The following REEP3 variants were observed in gnomAD, a reference collection of about 807,000 sequenced individuals.
REEP3 encodes receptor expression-enhancing protein 3.
In REEP3, 20 loss-of-function variants were observed where a neutral mutation model predicts 41.3. The observed-to-expected ratio is 0.48, with a 90% CI of 0.34 to 0.70. The LOEUF is 0.70. REEP3 is among the 30% of genes least tolerant of loss of function. REEP3 has a pLI of 0.01. For synonymous variants in REEP3, 104 were observed against 101.8 expected, an observed-to-expected ratio of 1.02 and a Z score of -0.13; for missense variants, 271 against 308.8, an observed-to-expected ratio of 0.88 and a Z score of 0.92.
intron 2 of REEP3, among the ~76,000 whole-genome samples, chr10:63,567,227 A>G (rs1245626385): frequency 1.7e-5 from 2 of 117,844 alleles, no homozygotes; most frequent in African/African-American, 2.8e-5. Context: ...TTCACATAAC[A>G]TAAAATTATC....
chr10:63,606,388 C>G (rs1369802950), intron 5 of REEP3, among the ~76,000 whole-genome samples: 1 of 145,150 alleles, frequency 6.9e-6, no homozygotes, highest in African/African-American at 2.6e-5. Context: ...TTCTGTCTTT[C>G]TTCTTTCCTT....
At chr10:63,574,138 AT>A (rs1294419102) in intron 2 of REEP3, among the ~76,000 whole-genome samples, 1 of 152,222 alleles carries the variant, frequency 6.6e-6, no homozygotes, top group Non-Finnish European at 1.5e-5. Context: ...TTATTGCCAT[AT>A]TCCAAATAAC....
intron 1 of REEP3, among the ~76,000 whole-genome samples, chr10:63,527,322 A>G (rs1955374873): frequency 1.3e-5 from 2 of 151,980 alleles, no homozygotes; most frequent in South Asian, 2.1e-4. Context: ...AATCTACTAT[A>G]CTTTTCATCT....
At chr10:63,589,811 T>TTTTG (rs60023998) in intron 2 of REEP3, among the ~76,000 whole-genome samples, 1 of 131,046 alleles carries the variant, frequency 7.6e-6, no homozygotes, top group African/African-American at 3.0e-5. Flanking sequence ...TTTTTTTTTT[T>TTTTG]GGAAACGGAG....
In REEP3 at chr10:63,622,759, T is replaced by G. The variant is rs1956364271; in HGVS notation, c.*1890T>G. The G allele has an allele frequency of 6.9e-6, 1 of 145,086 alleles. No individual in the cohort carries two copies. Among genetic ancestry groups the G allele is most frequent in the Admixed American group, 7.2e-5 (1 of 13,828 alleles). The allele number at this position is 145,086 out of a possible 1,614,324, so 9.0% of individuals were successfully genotyped here. A position where few individuals can be genotyped will look rare whatever the true frequency, so the allele number is the denominator to read the frequency against. On this transcript the variant is annotated 3_prime_UTR_variant, in exon 8 of 8. Coordinates refer to ENST00000373758, the MANE Select transcript of REEP3 (RefSeq NM_001001330.3). ...GTCTTGCTCTGTCACCAGGCTGGAG[T>G]GCAGTGGCGCGATCTCGGCTCACTA...
At chr10:63,554,998 G>C (rs561453344) in intron 1 of REEP3, among the ~76,000 whole-genome samples, 1 of 152,218 alleles carries the variant, frequency 6.6e-6, no homozygotes, top group South Asian at 2.1e-4. Flanking sequence ...GCTGTAGCTT[G>C]ATTTTTTTTC....
At chr10:63,568,650 ATTT>A (rs10622553) in intron 2 of REEP3, among the ~76,000 whole-genome samples, 3 of 109,134 alleles carry the variant, frequency 2.7e-5, no homozygotes, top group Admixed American at 1.0e-4. Flanking sequence ...ACAACCCAGA[ATTT>A]TTTTTTTTTT....
intron 5 of REEP3, among the ~76,000 whole-genome samples, chr10:63,601,215 G>A (rs1401118118): frequency 6.6e-6 from 1 of 152,086 alleles, no homozygotes; most frequent in African/African-American, 2.4e-5. Context: ...TTTCTAAACA[G>A]TGACAGTGAA....
intron 1 of REEP3, among the ~76,000 whole-genome samples, chr10:63,537,927 CATAG>C (rs763531161): frequency 2.6e-5 from 4 of 152,080 alleles, no homozygotes; most frequent in Non-Finnish European, 4.4e-5. Context: ...GAGGTACATA[CATAG>C]ATAGCCACTT....
intron 2 of REEP3, among the ~76,000 whole-genome samples, chr10:63,592,336 T>C (rs972292654): frequency 5.9e-5 from 9 of 152,212 alleles, no homozygotes; most frequent in African/African-American, 1.9e-4. Flanking sequence ...ACCCTTCTCA[T>C]AGAACACAAG....
intron 6 of REEP3, among the ~76,000 whole-genome samples, chr10:63,617,380 G>A (rs1366524465): frequency 6.6e-6 from 1 of 152,106 alleles, no homozygotes; most frequent in African/African-American, 2.4e-5. Flanking sequence ...AATTATTCGT[G>A]TCTTAGAAGA....
At chr10:63,590,391 A>G (rs1564486510) in intron 2 of REEP3, among the ~76,000 whole-genome samples, 1 of 152,208 alleles carries the variant, frequency 6.6e-6, no homozygotes, top group Non-Finnish European at 1.5e-5. Flanking sequence ...GTCCTCAAGA[A>G]TTGACTAAAT....
At chr10:63,536,704 C>CTGG (rs1156692638) in intron 1 of REEP3, among the ~76,000 whole-genome samples, 1 of 152,030 alleles carries the variant, frequency 6.6e-6, no homozygotes, top group Non-Finnish European at 1.5e-5. Flanking sequence ...GACAAATGAA[C>CTGG]TGGTATCTCA....
In REEP3 at chr10:63,599,223, A is replaced by G. The variant is rs1347229781; in HGVS notation, c.357A>G (p.Val119=). The change falls in exon 5 of 8, where the codon GTA becomes GTG. Residue 119 remains valine, a synonymous_variant. Coordinates refer to ENST00000373758, the MANE Select transcript of REEP3 (RefSeq NM_001001330.3). ...AGGAACGAGGCTATGAAACCATGGT[A>G]AACTTTGGACGGCAAGGTTTAAACC... ...QAKERGYETM[V]NFGRQGLNLA... The G allele has an allele frequency of 2.5e-6, 4 of 1,594,088 alleles. No individual in the cohort carries two copies. Among genetic ancestry groups the G allele is most frequent in the Non-Finnish European group, 3.4e-6 (4 of 1,172,920 alleles).
chr10:63,554,719 G>A (rs1955661489), intron 1 of REEP3, among the ~76,000 whole-genome samples: 2 of 152,114 alleles, frequency 1.3e-5, no homozygotes, highest in South Asian at 4.2e-4. Context: ...AATTGCAGCT[G>A]GAAAACTGTG....
chr10:63,523,171 C>T (rs907526095), intron 1 of REEP3, among the ~76,000 whole-genome samples: 4 of 152,160 alleles, frequency 2.6e-5, no homozygotes, highest in African/African-American at 4.8e-5. Context: ...GTCAGTAACA[C>T]GTAGTTGATC....
intron 6 of REEP3, among the ~76,000 whole-genome samples, chr10:63,613,032 G>A (rs1956287709): frequency 6.6e-6 from 1 of 150,950 alleles, no homozygotes; most frequent in Non-Finnish European, 1.5e-5. Flanking sequence ...TTCTTTTTGA[G>A]ATGGAGTCTA....
chr10:63,574,892 C>G (rs1225623527), intron 2 of REEP3, among the ~76,000 whole-genome samples: 1 of 110,132 alleles, frequency 9.1e-6, no homozygotes, highest in Non-Finnish European at 1.7e-5. Context: ...GAGTCTCGCT[C>G]TGTCGCCCAG....
At chr10:63,575,144 G>A (rs1360581966) in intron 2 of REEP3, among the ~76,000 whole-genome samples, 5 of 152,000 alleles carry the variant, frequency 3.3e-5, no homozygotes, top group South Asian at 2.1e-4. Flanking sequence ...ATTAGCCACC[G>A]CACCCAGACC....
Sources: gnomAD v4.1 joint callset for allele counts (sites outside exome capture counted in the v4.1 genomes callset) on GRCh38, gnomAD v4.1.1 for gene constraint, MANE v1.5 for transcripts, NCBI Gene and HGNC (gene_info 2026-07-23, HGNC 2026-07-21) for gene names.